Variants in TMEM185A observed in about 807,000 individuals in gnomAD.
TMEM185A encodes transmembrane protein 185A.
Under a neutral mutation model 25.0 loss-of-function variants are expected in TMEM185A, and 9 were observed. That is an observed-to-expected ratio of 0.36 (90% CI 0.22 to 0.63). The LOEUF (loss-of-function observed/expected upper bound fraction) is 0.63, where lower values mean the gene tolerates loss of function less well. Ranked by LOEUF, TMEM185A falls within the 20% of genes least tolerant of loss-of-function variation. TMEM185A has a pLI of 0.68. For missense variants in TMEM185A, 103 were observed against 237.4 expected (o/e 0.43, Z 3.72); for synonymous variants, 45 against 93.5 (o/e 0.48, Z 2.99).
At chrX:149,617,666 C>T (rs2090117308) in intron 1 of TMEM185A, among the ~76,000 whole-genome samples, 1 of 111,432 alleles carries the variant, frequency 9.0e-6, no homozygotes, top group Non-Finnish European at 1.9e-5. Flanking sequence ...CCAGCAATCC[C>T]ACACCTAGGT....
At chrX:149,630,505 TC>T in intron 1 of TMEM185A, among the ~76,000 whole-genome samples, 1 of 111,801 alleles carries the variant, frequency 8.9e-6, no homozygotes, top group Non-Finnish European at 1.9e-5. Context: ...ACTGAGCACG[TC>T]TTCCCAACTG....
intron 3 of TMEM185A, among the ~76,000 whole-genome samples, chrX:149,607,572 T>C (rs1017192734): frequency 2.7e-5 from 3 of 113,152 alleles, no homozygotes; most frequent in Non-Finnish European, 3.7e-5. Flanking sequence ...ATAAACGTTA[T>C]CTGCAATTAC....
At chrX:149,602,931 C>G (rs2090025557) in intron 4 of TMEM185A, among the ~76,000 whole-genome samples, 2 of 111,988 alleles carry the variant, frequency 1.8e-5, no homozygotes, top group Admixed American at 1.9e-4. Context: ...TTCTCTGCTC[C>G]CAATTCTTTA....
chrX:149,608,643 T>C lies in TMEM185A; in HGVS notation c.407A>G (p.His136Arg), dbSNP rs1557353973. Reference sequence around the variant, plus strand: ...AAATCTCACCTCTAGTGACCTGTCATGTCGAAAGCCCCAAACGCAAGCTGC... The same window carrying C: ...AAATCTCACCTCTAGTGACCTGTCACGTCGAAAGCCCCAAACGCAAGCTGC... Reference protein sequence around the residue: ...SVAACVWGFRHDRSLELEILC... With the variant: ...SVAACVWGFRRDRSLELEILC... The change falls in exon 3 of 7, where the codon CAT becomes CGT. Residue 136 changes from histidine to arginine, a missense_variant. Physicochemically the swap from His to Arg is conservative, Grantham distance 29. Around this residue, in one of 2 missense-constraint regions of TMEM185A, gnomAD observed 102 missense variants for 125.7 expected, o/e 0.81. Transcript: ENST00000600449. 4.1e-6 allele frequency: 5 copies of C among 1,211,633 alleles called. No homozygotes were observed. The highest frequency in any genetic ancestry group is 5.6e-6 in the Non-Finnish European group (5 of 895,427).
chrX:149,631,720 CCGTCGCCGT>C lies in TMEM185A; in HGVS notation c.-149_-141del, dbSNP rs2090195646. On this transcript the variant is annotated 5_prime_UTR_variant, in exon 1 of 7. Coordinates refer to ENST00000600449, the MANE Select transcript of TMEM185A (RefSeq NM_032508.4). The stretch of plus-strand genomic sequence containing the variant: ...CCCGCTACTGCTGCCGTCCCCGCTG[CCGTCGCCGT>C]CGCCGTCGCCGCCGCCGCCGCCGCC... 1 of 464,566 alleles carries C rather than the reference CCGTCGCCGT, an allele frequency of 2.2e-6. No homozygotes were observed. The highest frequency in any genetic ancestry group is 3.0e-6 in the Non-Finnish European group (1 of 330,096). 38.3% of individuals were successfully genotyped at this position (464,566 alleles called of 1,213,427 possible). A position where few individuals can be genotyped will look rare whatever the true frequency, so the allele number is the denominator to read the frequency against.
At position 149,604,520 on chromosome X, in the gene TMEM185A, C is replaced by G. The variant is rs782216424; in HGVS notation, c.424-450G>C. ...GGACCTTGTCACATCAAGCCATCAA[C>G]TGTAGATTCCGTACTGTATCTTTAA... On this transcript the variant is annotated intron_variant, in intron 3 of 6. Transcript: ENST00000600449. Among the ~76,000 whole-genome samples the G allele has an allele frequency of 3.6e-5, 4 of 111,743 alleles. No homozygotes were observed. The Admixed American group carries it at 3.8e-4, about 11-fold the overall frequency.
intron 1 of TMEM185A, 64 bp downstream of exon 1, chrX:149,631,479 G>A: frequency 8.9e-7 from 1 of 1,118,270 alleles, no homozygotes; most frequent in Non-Finnish European, 1.2e-6. Context: ...CCCCGGAGCC[G>A]AACACCAGCC....
At chrX:149,614,080 A>G (rs2090098485) in intron 1 of TMEM185A, among the ~76,000 whole-genome samples, 1 of 112,139 alleles carries the variant, frequency 8.9e-6, no homozygotes, top group Non-Finnish European at 1.9e-5. Context: ...AACCAACTTG[A>G]CCTAATTAAT....
At chrX:149,611,540 C>T (rs782771579) in intron 1 of TMEM185A, 77 bp from the exon 2 acceptor site, 2 of 948,026 alleles carry the variant, frequency 2.1e-6, no homozygotes, top group East Asian at 3.1e-5. Context: ...TAATAAGAGC[C>T]ACATTTGTCA....
intron 3 of TMEM185A, among the ~76,000 whole-genome samples, chrX:149,604,469 C>G (rs2090035339): frequency 8.9e-6 from 1 of 111,834 alleles, no homozygotes; most frequent in East Asian, 2.8e-4. Context: ...CCCTTGGACC[C>G]CACCCCTTCC....
chrX:149,616,754 C>A (rs782108178), intron 1 of TMEM185A, among the ~76,000 whole-genome samples: 2 of 112,172 alleles, frequency 1.8e-5, no homozygotes, highest in Non-Finnish European at 3.8e-5. Context: ...AATTGGGAGC[C>A]AGCAGGTTCT....
At chrX:149,615,994 C>T (rs1375682983) in intron 1 of TMEM185A, among the ~76,000 whole-genome samples, 4 of 111,769 alleles carry the variant, frequency 3.6e-5, no homozygotes, top group Non-Finnish European at 7.5e-5. Context: ...TCTCAATACC[C>T]TTCACATGGT....
At chrX:149,618,882 A>G (rs782076903) in intron 1 of TMEM185A, among the ~76,000 whole-genome samples, 25 of 112,326 alleles carry the variant, frequency 2.2e-4, no homozygotes, top group African/African-American at 6.8e-4. Flanking sequence ...TCTAATATCT[A>G]TATTTACATT....
At chrX:149,606,544 T>C (rs782104255) in intron 3 of TMEM185A, among the ~76,000 whole-genome samples, 3 of 112,369 alleles carry the variant, frequency 2.7e-5, no homozygotes, top group South Asian at 7.4e-4. Context: ...AGTTCCTTCC[T>C]TTCCACCTTG....
At chrX:149,628,965 C>T (rs376134258) in intron 1 of TMEM185A, among the ~76,000 whole-genome samples, 23 of 112,012 alleles carry the variant, frequency 2.1e-4, no homozygotes, top group African/African-American at 7.5e-4. Context: ...ATGCAGGCTA[C>T]GATACTGACA....
At chrX:149,624,821 A>T in intron 1 of TMEM185A, among the ~76,000 whole-genome samples, 1 of 112,289 alleles carries the variant, frequency 8.9e-6, no homozygotes, top group Non-Finnish European at 1.9e-5. Context: ...CAGTAGGAAG[A>T]TCTGCATTTA....
intron 1 of TMEM185A, among the ~76,000 whole-genome samples, chrX:149,624,194 T>C (rs1357609085): frequency 8.9e-6 from 1 of 112,174 alleles, no homozygotes; most frequent in East Asian, 2.8e-4. Context: ...AGAATGGATT[T>C]ATTCCACTCT....
chrX:149,620,655 T>C (rs1356507439), intron 1 of TMEM185A, among the ~76,000 whole-genome samples: 2 of 111,739 alleles, frequency 1.8e-5, no homozygotes, highest in Non-Finnish European at 3.8e-5. Context: ...GCAAAGAATG[T>C]CTTAGTATTA....
chrX:149,603,800 T>C, intron 4 of TMEM185A, 187 bp downstream of exon 4: 1 of 368,519 alleles, frequency 2.7e-6, no homozygotes. Context: ...CACACAGTTA[T>C]ATCCAAACTG....
Sources: allele counts gnomAD v4.1 joint callset (sites outside exome capture counted in the v4.1 genomes callset), GRCh38; gene constraint gnomAD v4.1.1; regional missense constraint gnomAD v4.1.1; transcripts MANE v1.5; gene names NCBI Gene and HGNC (gene_info 2026-07-23, HGNC 2026-07-21).